Variants in CHAF1A observed in about 807,000 individuals in gnomAD.
The protein encoded by CHAF1A is chromatin assembly factor 1 subunit A.
A neutral mutation model predicts 93.2 loss-of-function variants in CHAF1A; 5 were observed. The observed-to-expected ratio is 0.05, with a 90% CI of 0.03 to 0.11. CHAF1A has a LOEUF of 0.11. Ranked by LOEUF, CHAF1A falls within the 10% of genes least tolerant of loss-of-function variation. The pLI is 1.00. For synonymous variants in CHAF1A, 504 were observed against 510.3 expected (o/e 0.99, Z 0.17); for missense variants, 1,102 against 1,259.9 (o/e 0.87, Z 1.90).
chr19:4,406,165 T>G (rs1345919403), intron 2 of CHAF1A, among the ~76,000 whole-genome samples: 2 of 152,130 alleles, frequency 1.3e-5, no homozygotes, highest in African/African-American at 4.8e-5. Flanking sequence ...TTATGCACGA[T>G]TGGTGTTTTG....
chr19:4,447,869 G>C (rs771033377), downstream of CHAF1A: 10 of 554,574 alleles, frequency 1.8e-5, no homozygotes, highest in Admixed American at 3.1e-5. Flanking sequence ...CACCAGCCCT[G>C]GAAGGGCACA....
rs1974231540 is a variant in CHAF1A, at chr19:4,433,630, C to G, written c.2673+91C>G. 2 of 1,041,000 alleles carry G rather than the reference C, an allele frequency of 1.9e-6. No homozygotes were observed. The highest frequency in any genetic ancestry group is 2.7e-6 in the Non-Finnish European group (2 of 727,836). 64.5% of individuals were successfully genotyped at this position (1,041,000 alleles called of 1,614,324 possible). ...TTTGTTTTTTTTTCGAGATGGAGTC[C>G]TGCTCTGTCACCCAGGCTGGAGTGC... On this transcript the variant is annotated intron_variant, in intron 13 of 14. Coordinates refer to ENST00000301280, the MANE Select transcript of CHAF1A (RefSeq NM_005483.3). This position sits in a 1 kb window ranked among gnomAD's most constrained non-coding sequence, Gnocchi z 5.6.
intron 13 of CHAF1A, among the ~76,000 whole-genome samples, chr19:4,441,261 G>C (rs575020322): frequency 3.7e-4 from 56 of 152,218 alleles, no homozygotes; most frequent in African/African-American, 1.2e-3. Context: ...AAGTTGCAGT[G>C]AGCCAAGATC....
At position 4,409,148 on chromosome 19, in the gene CHAF1A, A is replaced by G. The variant is rs144604203; in HGVS notation, c.349A>G (p.Ile117Val). 1.1e-5 allele frequency: 18 copies of G among 1,614,082 alleles called. No homozygotes were observed. Among genetic ancestry groups the G allele is most frequent in the Non-Finnish European group, 1.4e-5 (16 of 1,180,052 alleles). Residue 117 changes from isoleucine to valine, a missense_variant, in exon 3 of 15, where the codon ATT (isoleucine) becomes GTT (valine). Coordinates refer to ENST00000301280, the MANE Select transcript of CHAF1A (RefSeq NM_005483.3). ...CAGTATTGGCCAGAGCACAGTCATC[A>G]TTGATTTGACAGAGGACTCGAATGA... ...ETSIGQSTVI[I>V]DLTEDSNEQP...
At chr19:4,442,837 A>G in intron 14 of CHAF1A, 88 bp from the exon 15 acceptor site, 2 of 964,662 alleles carry the variant, frequency 2.1e-6, no homozygotes, top group Non-Finnish European at 3.0e-6. Flanking sequence ...GGGTTGTTGC[A>G]GGCCCCATGA....
At chr19:4,410,220 G>A (rs1307281419) in intron 3 of CHAF1A, among the ~76,000 whole-genome samples, 1 of 151,978 alleles carries the variant, frequency 6.6e-6, no homozygotes, top group African/African-American at 2.4e-5. Context: ...GGGGAATTCT[G>A]TAGGGTCAGC....
At position 4,408,987 on chromosome 19, in the gene CHAF1A, G is replaced by T; in HGVS notation, c.188G>T (p.Ser63Ile). 6.2e-7 allele frequency: 1 copy of T among 1,614,168 alleles called. No individual in the cohort carries two copies. ...MSDDQGTSVQ[S>I]KSPDLEASLD... ...GACGATCAGGGTACTTCTGTGCAAAGTAAAAGCCCCGATTTAGAGGCCTCT... is the reference window on the plus strand; with the variant it reads ...GACGATCAGGGTACTTCTGTGCAAATTAAAAGCCCCGATTTAGAGGCCTCT... Residue 63 changes from serine (S) to isoleucine (I), a missense_variant, in exon 3 of 15, where the codon AGT (serine) becomes ATT (isoleucine). This residue lies in a region of CHAF1A where 379 missense variants were observed against 365.7 expected (regional missense o/e 1.04). Transcript: ENST00000301280.
chr19:4,403,170 A>C (rs1183170120), intron 1 of CHAF1A, among the ~76,000 whole-genome samples: 2 of 152,058 alleles, frequency 1.3e-5, no homozygotes, highest in Non-Finnish European at 2.9e-5. Flanking sequence ...TCCCTTGACC[A>C]TGTTGGACCT....
At chr19:4,449,176 TCA>T (rs1316694888), downstream of CHAF1A, 1 of 153,138 alleles carries the variant, frequency 6.5e-6, no homozygotes, top group African/African-American at 2.4e-5. Flanking sequence ...GGCACAGCCA[TCA>T]CACACGGCCA....
At chr19:4,410,386 C>CTG (rs1555748020) in intron 3 of CHAF1A, among the ~76,000 whole-genome samples, 3 of 137,526 alleles carry the variant, frequency 2.2e-5, no homozygotes, top group East Asian at 2.1e-4. Flanking sequence ...AAAAAAATTA[C>CTG]TTTTTTTTTT....
intron 7 of CHAF1A, among the ~76,000 whole-genome samples, chr19:4,426,588 C>T (rs1248811241): frequency 4.6e-5 from 7 of 152,132 alleles, no homozygotes; most frequent in African/African-American, 1.7e-4. Flanking sequence ...GATTCTCTTG[C>T]CTCAGCCTCC....
At chr19:4,425,726 A>G (rs780639389) in intron 7 of CHAF1A, among the ~76,000 whole-genome samples, 4 of 152,160 alleles carry the variant, frequency 2.6e-5, no homozygotes, top group Non-Finnish European at 4.4e-5. Context: ...TTCCTCTGGG[A>G]CAGCCAAGTA....
intron 12 of CHAF1A, 135 bp downstream of exon 12, chr19:4,432,342 C>T (rs1974200513): frequency 9.7e-7 from 1 of 1,032,656 alleles, no homozygotes; most frequent in African/African-American, 1.6e-5. Flanking sequence ...AGCCCTTTTC[C>T]TGTACATGTC....
intron 3 of CHAF1A, among the ~76,000 whole-genome samples, chr19:4,417,107 G>A (rs1222214455): frequency 1.3e-5 from 2 of 152,030 alleles, no homozygotes; most frequent in African/African-American, 4.8e-5. Context: ...GGGTAGCTAG[G>A]ACTACAGATG....
Position 4,409,039 on chromosome 19 carries a change from T to C in CHAF1A, c.240T>C (p.His80=), listed in dbSNP as rs374609997. ...ASLDTLENNC[H]VGSDIDFRPK... ...TGGACACCTTGGAAAACAACTGTCA[T>C]GTGGGTTCTGACATAGACTTTAGAC... Residue 80 remains histidine (H), a synonymous_variant, in exon 3 of 15, where the codon CAT becomes CAC. Transcript: ENST00000301280. 7.4e-6 allele frequency: 12 copies of C among 1,614,062 alleles called. No individual in the cohort carries two copies. In the African/African-American group the frequency reaches 1.1e-4, roughly 14 times the overall value.
chr19:4,444,234 G>A (rs140796981), downstream of CHAF1A, among the ~76,000 whole-genome samples: 413 of 152,272 alleles, frequency 2.7e-3, 5 homozygotes, highest in African/African-American at 9.5e-3. Flanking sequence ...CCAATGCAAG[G>A]TCAGGGGCAC....
rs1974126967 is a variant in CHAF1A at position 4,428,645 on chromosome 19, G to T, written c.1378-19G>T. 1.9e-6 allele frequency: 3 copies of T among 1,606,294 alleles called. No individual in the cohort carries two copies. Among genetic ancestry groups the T allele is most frequent in the African/African-American group, 1.3e-5 (1 of 74,698 alleles). On this transcript the variant is annotated intron_variant, in intron 7 of 14. Transcript: ENST00000301280. The stretch of plus-strand genomic sequence containing the variant: ...CTCCCATTGCTCGAAGACCCCATCG[G>T]GTCTCTTCTTGATTTCAGACCCTGG...
Position 4,406,051 on chromosome 19 carries a change from A to G in CHAF1A, c.103+89A>G, listed in dbSNP as rs2145060064. 15 of 1,027,670 alleles carry G rather than the reference A, an allele frequency of 1.5e-5. 1 individual carries two copies. In the South Asian group the frequency reaches 1.9e-4, roughly 13 times the overall value. The allele number at this position is 1,027,670 out of a possible 1,614,324, so 63.7% of individuals were successfully genotyped here. On this transcript the variant is annotated intron_variant, in intron 2 of 14. Coordinates refer to ENST00000301280, the MANE Select transcript of CHAF1A (RefSeq NM_005483.3). ...GAGACCTCAGTGGAAGCCTGGAGCT[A>G]GAGGGGAGAGAAACAGTCCTTCTTC...
intron 13 of CHAF1A, among the ~76,000 whole-genome samples, chr19:4,440,839 G>T (rs1268185891): frequency 6.6e-6 from 1 of 152,118 alleles, no homozygotes; most frequent in African/African-American, 2.4e-5. Flanking sequence ...CACAGCAGAG[G>T]CCAGGTGCGG....
Sources: gnomAD v4.1 joint callset for allele counts (sites outside exome capture counted in the v4.1 genomes callset) on GRCh38, gnomAD v4.1.1 for gene constraint, gnomAD v4.1.1 regional missense constraint, Gnocchi (gnomAD v3.1) non-coding constraint, MANE v1.5 for transcripts, NCBI Gene and HGNC (gene_info 2026-07-23, HGNC 2026-07-21) for gene names.